Variants in RAD54B observed in about 807,000 individuals in gnomAD.
RAD54B encodes the protein RAD54 homolog B.
RAD54B carries 78 observed loss-of-function variants against 95.8 expected under a neutral mutation model. That is an observed-to-expected ratio of 0.81 (90% CI 0.68 to 0.98). The LOEUF (loss-of-function observed/expected upper bound fraction) is 0.98. Ranked by LOEUF, RAD54B falls within the 50% of genes least tolerant of loss-of-function variation. The pLI, the probability that RAD54B is intolerant of heterozygous loss-of-function variation, is 0.00. For missense variants in RAD54B, 957 were observed against 1,056.6 expected, an observed-to-expected ratio of 0.91 and a Z score of 1.31; for synonymous variants, 328 against 354.9, an observed-to-expected ratio of 0.92 and a Z score of 0.85.
rs541343398 is a variant in RAD54B, at chr8:94,421,640, G to A, written c.305-10325C>T. Reference sequence around the variant, plus strand: ...TCCTCCTTTGGTTTCCCCATGTCTCGTCCTTATACAAGCCAGAAAACTGGA... The same window carrying A: ...TCCTCCTTTGGTTTCCCCATGTCTCATCCTTATACAAGCCAGAAAACTGGA... On this transcript the variant is annotated intron_variant, in intron 3 of 14. Coordinates refer to ENST00000336148, the MANE Select transcript of RAD54B (RefSeq NM_012415.3). 9.2e-5 allele frequency among the ~76,000 whole-genome samples: 14 copies of A among 152,020 alleles called. No individual in the cohort carries two copies. The South Asian group carries it at 1.7e-3, about 18-fold the overall frequency.
At chr8:94,442,345 G>A (rs1286429426) in intron 3 of RAD54B, among the ~76,000 whole-genome samples, 2 of 128,932 alleles carry the variant, frequency 1.6e-5, no homozygotes, top group Non-Finnish European at 3.3e-5. Context: ...AGGCCAAGGT[G>A]GGCGGATCAC....
chr8:94,461,089 A>C (rs755393964), intron 2 of RAD54B, among the ~76,000 whole-genome samples: 6 of 151,592 alleles, frequency 4.0e-5, no homozygotes, highest in Non-Finnish European at 7.4e-5. Flanking sequence ...CACAGTAGTA[A>C]ATGGTTGAAT....
chr8:94,414,451 T>C (rs143381822), intron 3 of RAD54B, among the ~76,000 whole-genome samples: 14,226 of 152,190 alleles, frequency 0.093, 1,217 homozygotes, highest in African/African-American at 0.21. Context: ...CAGTGTGATA[T>C]TGGCTGTGGG....
At chr8:94,419,332 A>G (rs1811747074) in intron 3 of RAD54B, among the ~76,000 whole-genome samples, 1 of 152,108 alleles carries the variant, frequency 6.6e-6, no homozygotes, top group Non-Finnish European at 1.5e-5. Flanking sequence ...ACATGGTGAA[A>G]CCCTGTCTCT....
At chr8:94,431,030 C>T in intron 3 of RAD54B, 2 of 985,326 alleles carry the variant, frequency 2.0e-6, no homozygotes, top group Non-Finnish European at 2.4e-6. Context: ...TGAAATTACA[C>T]CCACCCCATT....
chr8:94,417,620 A>G (rs1811707228), intron 3 of RAD54B, among the ~76,000 whole-genome samples: 1 of 152,066 alleles, frequency 6.6e-6, no homozygotes, highest in Non-Finnish European at 1.5e-5. Context: ...AGTTAAACAT[A>G]CACCTACCAT....
At chr8:94,463,992 T>C (rs1261614370) in intron 2 of RAD54B, among the ~76,000 whole-genome samples, 1 of 150,850 alleles carries the variant, frequency 6.6e-6, no homozygotes, top group Non-Finnish European at 1.5e-5. Context: ...GTATTACTCA[T>C]AATTGCTAAA....
intron 14 of RAD54B, among the ~76,000 whole-genome samples, 163 bp from the exon 15 acceptor site, chr8:94,372,550 T>G (rs1418388703): frequency 1.3e-5 from 2 of 152,228 alleles, no homozygotes; most frequent in African/African-American, 4.8e-5. Flanking sequence ...TTATAAGTTA[T>G]TTACTATGTA....
Position 94,411,275 on chromosome 8 carries a change from T to C in RAD54B, c.345A>G (p.Gln115=), listed in dbSNP as rs754253078. The C allele has an allele frequency of 1.4e-5, 22 of 1,605,782 alleles. 1 individual carries two copies. In the South Asian group the frequency reaches 2.1e-4, roughly 16 times the overall value. ...APKEVAVSKE[Q]EEKSDSLVKY... Reference sequence around the variant, plus strand: ...TAACTAGGCTATCAGATTTCTCTTCTTGTTCCTTGGACACTGCTACTTCTT... The same window carrying C: ...TAACTAGGCTATCAGATTTCTCTTCCTGTTCCTTGGACACTGCTACTTCTT... The change falls in exon 4 of 15, where the codon CAA becomes CAG. Residue 115 remains glutamine, a synonymous_variant. Transcript: ENST00000336148.
chr8:94,380,258 A>T lies in RAD54B; in HGVS notation c.2134T>A (p.Ser712Thr). 6.2e-7 allele frequency: 1 copy of T among 1,614,090 alleles called. No individual in the cohort carries two copies. The change falls in exon 12 of 15, where the codon TCT becomes ACT. Residue 712 changes from serine (S) to threonine (T), a missense_variant. Coordinates refer to ENST00000336148, the MANE Select transcript of RAD54B (RefSeq NM_012415.3). ...GAACTTAACAAAAAAATAAAAAAAG[A>T]AGAGTGTTGACTGTTAAAGCCATCA... ...IVDGFNSQHS[S>T]FFIFLLSSKA...
chr8:94,422,642 ATATATATATAT>A, intron 3 of RAD54B, among the ~76,000 whole-genome samples: 1 of 121,862 alleles, frequency 8.2e-6, no homozygotes. Context: ...ATATATATAT[ATATATATATAT>A]AAAATTATCA....
At chr8:94,436,711 T>C (rs749674885) in intron 3 of RAD54B, 6 of 1,550,750 alleles carry the variant, frequency 3.9e-6, no homozygotes, top group East Asian at 2.4e-5. Flanking sequence ...AATTGCATTA[T>C]AGTTAACTGC....
chr8:94,393,495 T>G (rs1182626585), intron 9 of RAD54B: 1 of 345,488 alleles, frequency 2.9e-6, no homozygotes, highest in African/African-American at 2.2e-5. Context: ...TTGTTCTACT[T>G]TTTTCAAAAC....
intron 6 of RAD54B, 122 bp from the exon 7 acceptor site, chr8:94,400,585 C>G: frequency 2.8e-6 from 2 of 724,706 alleles, no homozygotes; most frequent in Non-Finnish European, 4.4e-6. Context: ...ACTTCATTAG[C>G]TGATTTACAA....
At chr8:94,453,522 C>G (rs1345935301) in intron 3 of RAD54B, among the ~76,000 whole-genome samples, 4 of 151,980 alleles carry the variant, frequency 2.6e-5, no homozygotes, top group Admixed American at 1.3e-4. Flanking sequence ...GAGCAAGACT[C>G]CGTCTCAAAA....
rs1426312190 is a variant in RAD54B, at chr8:94,422,606, AAAAAAAAAAAAATATATATATAT to A, written c.305-11314_305-11292del. Among the ~76,000 whole-genome samples, 286 of 100,940 alleles carry A rather than the reference AAAAAAAAAAAAATATATATATAT, an allele frequency of 2.8e-3. 2 individuals carry two copies. The highest frequency in any genetic ancestry group is 0.013 in the African/African-American group (268 of 19,912). 66.2% of individuals were successfully genotyped at this position (100,940 alleles called of 152,430 possible). The stretch of plus-strand genomic sequence containing the variant: ...TCGTCTCAAAAAAAAAAAAAAAAAA[AAAAAAAAAAAAATATATATATAT>A]ATATATATATATATATATATATATA... On this transcript the variant is annotated intron_variant, in intron 3 of 14. Coordinates refer to ENST00000336148, the MANE Select transcript of RAD54B (RefSeq NM_012415.3).
intron 4 of RAD54B, among the ~76,000 whole-genome samples, chr8:94,409,552 T>C (rs3019156): frequency 0.25 from 37,697 of 151,746 alleles, 5,575 homozygotes; most frequent in East Asian, 0.43. Flanking sequence ...TTTTTTTGTA[T>C]AGACAAGGTC....
intron 8 of RAD54B, among the ~76,000 whole-genome samples, chr8:94,397,600 C>T (rs1029928147): frequency 3.3e-5 from 5 of 151,986 alleles, no homozygotes; most frequent in African/African-American, 1.2e-4. Flanking sequence ...TTAGTATTTG[C>T]TTATCATTGA....
intron 3 of RAD54B, among the ~76,000 whole-genome samples, chr8:94,423,138 C>G (rs1811864017): frequency 6.6e-6 from 1 of 152,114 alleles, no homozygotes; most frequent in Non-Finnish European, 1.5e-5. Context: ...AATCCCAACA[C>G]TTTGGGAGGC....
Sources: allele counts gnomAD v4.1 joint callset (sites outside exome capture counted in the v4.1 genomes callset), GRCh38; gene constraint gnomAD v4.1.1; transcripts MANE v1.5; gene names NCBI Gene and HGNC (gene_info 2026-07-23, HGNC 2026-07-21).